The following ZSCAN20 variants were observed in gnomAD, a reference collection of about 807,000 sequenced individuals.
ZSCAN20 encodes the protein zinc finger and SCAN domain-containing protein 20.
ZSCAN20 carries 39 observed loss-of-function variants against 97.1 expected under a neutral mutation model. That is an observed-to-expected ratio of 0.40 (90% CI 0.31 to 0.52). The LOEUF (loss-of-function observed/expected upper bound fraction) is 0.52, where lower values mean the gene tolerates loss of function less well. Among genes scored for constraint, ZSCAN20 ranks in the 20% least tolerant of loss-of-function variants. The pLI is 0.49. For missense variants in ZSCAN20, 1,115 were observed against 1,290.4 expected, an observed-to-expected ratio of 0.86 and a Z score of 2.08; for synonymous variants, 456 against 467.3, an observed-to-expected ratio of 0.98 and a Z score of 0.31.
At position 33,495,548 on chromosome 1, in the gene ZSCAN20, A is replaced by C; in HGVS notation, c.*72A>C. On this transcript the variant is annotated 3_prime_UTR_variant, in exon 8 of 8. Coordinates refer to ENST00000684572, the MANE Select transcript of ZSCAN20 (RefSeq NM_001377376.1). The stretch of plus-strand genomic sequence containing the variant: ...ATATCATAAGATGTATGCTAGAGAT[A>C]AACTTTCCAATTTTTAAGCTTGGTG... 7.7e-7 allele frequency: 1 copy of C among 1,305,100 alleles called. No homozygotes were observed. Among genetic ancestry groups the C allele is most frequent in the Non-Finnish European group, 9.9e-7 (1 of 1,009,760 alleles). 80.8% of individuals were successfully genotyped at this position (1,305,100 alleles called of 1,614,324 possible). A position where few individuals can be genotyped will look rare whatever the true frequency, so the allele number is the denominator to read the frequency against.
In ZSCAN20 at chr1:33,499,347, T is replaced by G. The variant is rs1034555067; in HGVS notation, c.*3871T>G. Among the ~76,000 whole-genome samples the G allele has an allele frequency of 1.3e-5, 2 of 152,172 alleles. No individual in the cohort carries two copies. Among genetic ancestry groups the G allele is most frequent in the African/African-American group, 4.8e-5 (2 of 41,444 alleles). Reference sequence around the variant, plus strand: ...ATTCACTCTGTTTCCCTTTCTCTTCTTTTTTTCTTTTCCTTTCTTTCTCTC... The same window carrying G: ...ATTCACTCTGTTTCCCTTTCTCTTCGTTTTTTCTTTTCCTTTCTTTCTCTC... On this transcript the variant is annotated 3_prime_UTR_variant, in exon 8 of 8. Coordinates refer to ENST00000684572, the MANE Select transcript of ZSCAN20 (RefSeq NM_001377376.1).
Position 33,488,055 on chromosome 1 carries a change from AT to A in ZSCAN20, c.418-403del, listed in dbSNP as rs1303138245. On this transcript the variant is annotated intron_variant, in intron 2 of 7. Coordinates refer to ENST00000684572, the MANE Select transcript of ZSCAN20 (RefSeq NM_001377376.1). ...ATTGCATTTGGGGTTATAATTTTAT[AT>A]TTTTTTCCTGTTTTTATGCCTCCCT... Among the ~76,000 whole-genome samples, 4 of 152,122 alleles carry A rather than the reference AT, an allele frequency of 2.6e-5. No homozygotes were observed. The East Asian group carries it at 7.7e-4, about 29-fold the overall frequency.
Position 33,491,493 on chromosome 1 carries a change from G to C in ZSCAN20, c.1235G>C (p.Arg412Pro), listed in dbSNP as rs765759984. 1.9e-6 allele frequency: 3 copies of C among 1,614,014 alleles called. No homozygotes were observed. The highest frequency in any genetic ancestry group is 1.7e-5 in the Admixed American group (1 of 60,026). ...GAGCTGGAGGCCCTGGTCAGGGCTC[G>C]GACAGCCATCAGAGCCACAGATGGC... is the stretch of plus-strand genomic sequence containing the variant. ...YEELEALVRA[R>P]TAIRATDGPG... The change falls in exon 6 of 8, where the codon CGG (arginine) becomes CCG (proline). Residue 412 changes from arginine to proline, a missense_variant. Physicochemically the swap from Arg to Pro is moderately radical, Grantham distance 103 (BLOSUM62 -2). Coordinates refer to ENST00000684572, the MANE Select transcript of ZSCAN20 (RefSeq NM_001377376.1). This position sits in a 1 kb window ranked among gnomAD's most constrained non-coding sequence, Gnocchi z 4.3.
intron 2 of ZSCAN20, among the ~76,000 whole-genome samples, chr1:33,480,210 C>T (rs1652100678): frequency 6.6e-6 from 1 of 152,116 alleles, no homozygotes; most frequent in Non-Finnish European, 1.5e-5. Flanking sequence ...ATAGATTAAA[C>T]TAAGAGCCAA....
Position 33,489,689 on chromosome 1 carries a change from T to C in ZSCAN20, c.766+87T>C, listed in dbSNP as rs1652520735. The C allele has an allele frequency of 2.4e-6, 3 of 1,226,794 alleles. No homozygotes were observed. The Admixed American group carries it at 5.6e-5, about 23-fold the overall frequency. The allele number at this position is 1,226,794 out of a possible 1,614,324, so 76.0% of individuals were successfully genotyped here. ...GAGGGTTTTGCCGCTCCTTTAAGAA[T>C]CATGGCTCTGCAGTCTCTGGAATTT... is the stretch of plus-strand genomic sequence containing the variant. On this transcript the variant is annotated intron_variant, in intron 5 of 7. Transcript: ENST00000684572.
At chr1:33,483,904 A>C (rs2148456420) in intron 2 of ZSCAN20, among the ~76,000 whole-genome samples, 1 of 151,482 alleles carries the variant, frequency 6.6e-6, no homozygotes, top group Non-Finnish European at 1.5e-5. Context: ...CCCCATGTAA[A>C]TCTTCTACAT....
chr1:33,492,458 C>G (rs12067816), intron 6 of ZSCAN20: 2 of 152,168 alleles, frequency 1.3e-5, no homozygotes, highest in Non-Finnish European at 2.9e-5. Context: ...TTTAGGAATT[C>G]TCAGCTTTCA....
At position 33,484,964 on chromosome 1, in the gene ZSCAN20, C is replaced by G. The variant is rs1449428410; in HGVS notation, c.418-3501C>G. Among the ~76,000 whole-genome samples the G allele has an allele frequency of 2.0e-5, 3 of 152,094 alleles. No homozygotes were observed. The East Asian group carries it at 5.8e-4, about 29-fold the overall frequency. ...ATGAGGAATATTGGTTTGTAGCTTT[C>G]TTGTCTTGTAAGTAATTTCTTTGGT... On this transcript the variant is annotated intron_variant, in intron 2 of 7. Transcript: ENST00000684572.
At chr1:33,473,344 C>T (rs1651801569) in intron 1 of ZSCAN20, among the ~76,000 whole-genome samples, 1 of 152,176 alleles carries the variant, frequency 6.6e-6, no homozygotes, top group Non-Finnish European at 1.5e-5. Context: ...CGGCCTCTTT[C>T]TTGTAGGGTT....
Position 33,479,690 on chromosome 1 carries a change from G to A in ZSCAN20, c.402G>A (p.Arg134=), listed in dbSNP as rs1652070086. Reference sequence around the variant, plus strand: ...TGGAGGATTGGCACCGAGAGACCAGGACTGCAGGACAGTCGGTGAGACAAA... The same window carrying A: ...TGGAGGATTGGCACCGAGAGACCAGAACTGCAGGACAGTCGGTGAGACAAA... The part of the protein sequence containing the change: ...ALVEDWHRET[R]TAGQSGLELH... The change falls in exon 2 of 8, where the codon AGG becomes AGA. Residue 134 remains arginine (R), a synonymous_variant. Transcript: ENST00000684572. The A allele has an allele frequency of 1.3e-6, 2 of 1,554,078 alleles. No individual in the cohort carries two copies. Among genetic ancestry groups the A allele is most frequent in the Non-Finnish European group, 8.7e-7 (1 of 1,153,612 alleles).
rs1275910703 is a variant in ZSCAN20, at chr1:33,497,291, C to T, written c.*1815C>T. On this transcript the variant is annotated 3_prime_UTR_variant, in exon 8 of 8. Coordinates refer to ENST00000684572, the MANE Select transcript of ZSCAN20 (RefSeq NM_001377376.1). ...GTTTACCTTTTCTGGCCCACGTTAT[C>T]TCTGCGGGGCAGGGGTCATGGGATG... Among the ~76,000 whole-genome samples, 1 of 152,334 alleles carries T rather than the reference C, an allele frequency of 6.6e-6. No individual in the cohort carries two copies. The highest frequency in any genetic ancestry group is 1.9e-4 in the East Asian group (1 of 5,182).
rs769273104 is a variant in ZSCAN20 at position 33,491,483 on chromosome 1, G to A, written c.1225G>A (p.Val409Ile). ...CPFYEELEALVRARTAIRATD... is the reference protein window; with the variant it reads ...CPFYEELEALIRARTAIRATD... ...CTTCTATGAGGAGCTGGAGGCCCTG[G>A]TCAGGGCTCGGACAGCCATCAGAGC... Residue 409 changes from valine (V) to isoleucine (I), a missense_variant, in exon 6 of 8, where the codon GTC becomes ATC. Val to Ile is a conservative substitution (Grantham distance 29). Transcript: ENST00000684572. The surrounding 1 kb of genome is among the most constrained non-coding windows in gnomAD (Gnocchi z 4.3). 1.9e-6 allele frequency: 3 copies of A among 1,614,132 alleles called. 1 individual carries two copies. Among genetic ancestry groups the A allele is most frequent in the Admixed American group, 3.3e-5 (2 of 60,028 alleles).
In ZSCAN20 at chr1:33,498,193, G is replaced by C. The variant is rs951705017; in HGVS notation, c.*2717G>C. Among the ~76,000 whole-genome samples the C allele has an allele frequency of 6.6e-6, 1 of 152,152 alleles. No homozygotes were observed. Among genetic ancestry groups the C allele is most frequent in the Non-Finnish European group, 1.5e-5 (1 of 68,020 alleles). ...TCTTCATGTAGCCCTGAGTTTTCTGGAGCCCTCACTGTGGAAGTCAAGCTG... is the reference window on the plus strand; with the variant it reads ...TCTTCATGTAGCCCTGAGTTTTCTGCAGCCCTCACTGTGGAAGTCAAGCTG... On this transcript the variant is annotated 3_prime_UTR_variant, in exon 8 of 8. Transcript: ENST00000684572.
In ZSCAN20 at chr1:33,494,513, CCA is replaced by C. The variant is rs780336212; in HGVS notation, c.2171_2172del (p.His724LeufsTer11). The part of the protein sequence containing the change: ...TCMKSFSRSS[H>X]FIAHQRIHTG... ...GCATGAAGAGCTTCAGTCGGAGCTCCCACTTCATTGCCCATCAGCGAATCCAC... is the reference window on the plus strand; with the variant it reads ...GCATGAAGAGCTTCAGTCGGAGCTCCCTTCATTGCCCATCAGCGAATCCAC... On this transcript the variant is annotated frameshift_variant, in exon 8 of 8. Transcript: ENST00000684572. LOFTEE classifies it high-confidence loss of function. 1.2e-6 allele frequency: 2 copies of C among 1,614,194 alleles called. No homozygotes were observed. The highest frequency in any genetic ancestry group is 1.7e-6 in the Non-Finnish European group (2 of 1,180,044).
chr1:33,494,926 A>G lies in ZSCAN20; in HGVS notation c.2582A>G (p.Asn861Ser). The stretch of plus-strand genomic sequence containing the variant: ...CCTCAAAGTATCAGTAAGGACTTGA[A>G]TTCTCCTGGACCACACAGCACAAAC... The part of the protein sequence containing the change: ...EQPQSISKDL[N>S]SPGPHSTNSG... Residue 861 changes from asparagine (N) to serine (S), a missense_variant, in exon 8 of 8, where the codon AAT becomes AGT. By Grantham distance (46) the Asn-to-Ser change is conservative (BLOSUM62 1). Transcript: ENST00000684572. 2 of 1,614,184 alleles carry G rather than the reference A, an allele frequency of 1.2e-6. No individual in the cohort carries two copies. The highest frequency in any genetic ancestry group is 1.7e-6 in the Non-Finnish European group (2 of 1,180,034).
Position 33,479,540 on chromosome 1 carries a change from C to T in ZSCAN20, c.252C>T (p.Ile84=), listed in dbSNP as rs747019512. 6 of 1,613,454 alleles carry T rather than the reference C, an allele frequency of 3.7e-6. No individual in the cohort carries two copies. Among genetic ancestry groups the T allele is most frequent in the Non-Finnish European group, 5.1e-6 (6 of 1,179,520 alleles). ...ALCCRWLRPE[I]RLKEQILELL... is the part of the protein sequence containing the mutation. ...GCTGTCGTTGGCTGAGGCCGGAGATCCGTCTCAAAGAGCAGATCCTGGAGC... is the reference window on the plus strand; with the variant it reads ...GCTGTCGTTGGCTGAGGCCGGAGATTCGTCTCAAAGAGCAGATCCTGGAGC... Residue 84 remains isoleucine (I), a synonymous_variant, in exon 2 of 8, where the codon ATC becomes ATT. Transcript: ENST00000684572.
In ZSCAN20 at chr1:33,491,886, GTCT is replaced by G; in HGVS notation, c.1444+189_1444+191del. The G allele has an allele frequency of 1.9e-6, 1 of 530,070 alleles. No homozygotes were observed. Among genetic ancestry groups the G allele is most frequent in the Non-Finnish European group, 3.1e-6 (1 of 324,986 alleles). 32.8% of individuals were successfully genotyped at this position (530,070 alleles called of 1,614,324 possible). Reference sequence around the variant, plus strand: ...CCCATGACCAAGTCTCTTTGCAAAAGTCTTCTTAGTTATAGAAGCAAACATTTT... The same window carrying G: ...CCCATGACCAAGTCTCTTTGCAAAAGTCTTAGTTATAGAAGCAAACATTTT... On this transcript the variant is annotated intron_variant, in intron 6 of 7. Coordinates refer to ENST00000684572, the MANE Select transcript of ZSCAN20 (RefSeq NM_001377376.1). This position sits in a 1 kb window ranked among gnomAD's most constrained non-coding sequence, Gnocchi z 4.3.
At chr1:33,475,181 T>C (rs755240339) in intron 1 of ZSCAN20, among the ~76,000 whole-genome samples, 1 of 152,198 alleles carries the variant, frequency 6.6e-6, no homozygotes, top group Non-Finnish European at 1.5e-5. Context: ...AGAAAAATGA[T>C]TGGAGAAAAG....
In ZSCAN20 at chr1:33,494,542, C is replaced by A; in HGVS notation, c.2198C>A (p.Thr733Lys). The change falls in exon 8 of 8, where the codon ACA becomes AAA. Residue 733 changes from threonine (T) to lysine (K), a missense_variant. Physicochemically the swap from Thr to Lys is moderately conservative, Grantham distance 78. Transcript: ENST00000684572. ...SHFIAHQRIHTGEKPYKCLEC... is the reference protein window; with the variant it reads ...SHFIAHQRIHKGEKPYKCLEC... ...TTCATTGCCCATCAGCGAATCCACA[C>A]AGGTGAGAAGCCCTACAAATGCCTT... The A allele has an allele frequency of 6.2e-7, 1 of 1,614,202 alleles. No homozygotes were observed. The highest frequency in any genetic ancestry group is 1.3e-5 in the African/African-American group (1 of 75,036).
Sources: gnomAD v4.1 joint callset for allele counts (sites outside exome capture counted in the v4.1 genomes callset) on GRCh38, gnomAD v4.1.1 for gene constraint, Gnocchi (gnomAD v3.1) non-coding constraint, MANE v1.5 for transcripts, NCBI Gene and HGNC (gene_info 2026-07-23, HGNC 2026-07-21) for gene names.